The following CEP128 variants were observed in gnomAD, a reference collection of about 807,000 sequenced individuals.
CEP128 encodes the protein centrosomal protein 128.
CEP128 carries 132 observed loss-of-function variants against 156.7 expected under a neutral mutation model. The observed-to-expected ratio is 0.84, with a 90% confidence interval of 0.73 to 0.97. The LOEUF (loss-of-function observed/expected upper bound fraction) is 0.97, where lower values mean the gene tolerates loss of function less well. CEP128 is among the 50% of genes least tolerant of loss of function. The probability of loss-of-function intolerance (pLI) is 0.00; values close to 1 mark genes in which losing one functional copy is unlikely to be tolerated. For missense variants in CEP128, 1,252 were observed against 1,281.9 expected (o/e 0.98, Z 0.36); for synonymous variants, 469 against 448.9 (o/e 1.04, Z -0.57).
intron 19 of CEP128, among the ~76,000 whole-genome samples, chr14:80,661,767 G>A (rs911740101): frequency 5.9e-5 from 9 of 152,056 alleles, no homozygotes; most frequent in African/African-American, 2.2e-4. Flanking sequence ...TTCCTAGAGT[G>A]CTTTATACTT....
At chr14:80,789,213 A>G (rs535467320) in intron 14 of CEP128, among the ~76,000 whole-genome samples, 226 of 152,264 alleles carry the variant, frequency 1.5e-3, no homozygotes, top group African/African-American at 5.2e-3. Context: ...ATGTGACAGG[A>G]AAAAAACTGA....
chr14:80,504,825 A>G (rs1330268171), intron 24 of CEP128, 87 bp downstream of exon 24: 6 of 557,738 alleles, frequency 1.1e-5, no homozygotes, highest in Non-Finnish European at 1.9e-5. Flanking sequence ...GAATATTACT[A>G]TCATATACTG....
chr14:80,568,799 C>T (rs567522692), intron 20 of CEP128, among the ~76,000 whole-genome samples: 21 of 151,812 alleles, frequency 1.4e-4, no homozygotes, highest in South Asian at 1.2e-3. Flanking sequence ...CTAAGAACAA[C>T]GAGGGGAAAA....
intron 19 of CEP128, among the ~76,000 whole-genome samples, chr14:80,606,677 C>A (rs1198853392): frequency 6.6e-6 from 1 of 152,088 alleles, no homozygotes; most frequent in Non-Finnish European, 1.5e-5. Flanking sequence ...ACTGTACTTG[C>A]AGTCTAATCC....
intron 19 of CEP128, among the ~76,000 whole-genome samples, chr14:80,695,025 A>T (rs1468084079): frequency 6.6e-6 from 1 of 152,180 alleles, no homozygotes; most frequent in Admixed American, 6.5e-5. Context: ...TATTAAGGTG[A>T]TCTTATTAGT....
At chr14:80,593,684 AAACG>A (rs1892187143) in intron 19 of CEP128, among the ~76,000 whole-genome samples, 1 of 152,224 alleles carries the variant, frequency 6.6e-6, no homozygotes, top group African/African-American at 2.4e-5. Flanking sequence ...AATAATAGAC[AAACG>A]GAGAGCCAAA....
At chr14:80,492,615 C>T (rs997011285), downstream of CEP128, among the ~76,000 whole-genome samples, 7 of 152,062 alleles carry the variant, frequency 4.6e-5, no homozygotes, top group African/African-American at 7.2e-5. Flanking sequence ...TGTACTGTTT[C>T]GAAGTACAAA....
chr14:80,782,219 A>G (rs1261390653), intron 15 of CEP128, among the ~76,000 whole-genome samples: 1 of 152,166 alleles, frequency 6.6e-6, no homozygotes, highest in Non-Finnish European at 1.5e-5. Context: ...TAAATAGCCA[A>G]GTGTCCATCC....
intron 13 of CEP128, among the ~76,000 whole-genome samples, chr14:80,817,838 G>A (rs980448125): frequency 1.3e-4 from 19 of 150,878 alleles, no homozygotes; most frequent in African/African-American, 2.9e-4. Flanking sequence ...TGGAGATCGC[G>A]CAACTACACT....
chr14:80,891,430 T>A (rs149951200), intron 8 of CEP128, among the ~76,000 whole-genome samples: 6 of 152,008 alleles, frequency 3.9e-5, no homozygotes, highest in African/African-American at 1.2e-4. Context: ...GAGGCCATTA[T>A]GTTAAGTGAA....
At chr14:80,850,518 T>C (rs1566669925) in intron 9 of CEP128, among the ~76,000 whole-genome samples, 3 of 152,180 alleles carry the variant, frequency 2.0e-5, no homozygotes, top group African/African-American at 7.2e-5. Flanking sequence ...AATTAAAAGA[T>C]ATTGCCCTCA....
intron 19 of CEP128, among the ~76,000 whole-genome samples, chr14:80,695,932 A>G (rs138037334): frequency 2.0e-5 from 3 of 152,252 alleles, no homozygotes; most frequent in African/African-American, 4.8e-5. Context: ...ACATCTTCCA[A>G]TTTCTTTATG....
chr14:80,754,743 G>A (rs968078403), intron 18 of CEP128, among the ~76,000 whole-genome samples: 8 of 152,126 alleles, frequency 5.3e-5, no homozygotes, highest in African/African-American at 1.9e-4. Flanking sequence ...AATTACAGGC[G>A]TGAGCCACTG....
At chr14:80,584,027 T>C (rs1595044341) in intron 19 of CEP128, among the ~76,000 whole-genome samples, 1 of 152,184 alleles carries the variant, frequency 6.6e-6, no homozygotes, top group East Asian at 1.9e-4. Context: ...CTCTCATTTG[T>C]ACCTCTCAAT....
chr14:80,558,746 T>C lies in CEP128; in HGVS notation c.2880+533A>G, dbSNP rs372521846. On this transcript the variant is annotated intron_variant, in intron 21 of 24. Transcript: ENST00000555265. ...CCAAAAATAATTTTTCAATGAATAT[T>C]GTATGCATGTAGTCTTGACATCTAT... Among the ~76,000 whole-genome samples the C allele has an allele frequency of 2.8e-3, 419 of 152,336 alleles. 2 individuals are homozygous for C. Among genetic ancestry groups the C allele is most frequent in the African/African-American group, 9.1e-3 (380 of 41,578 alleles).
intron 20 of CEP128, among the ~76,000 whole-genome samples, chr14:80,570,411 C>T (rs897413945): frequency 4.6e-5 from 7 of 152,030 alleles, no homozygotes; most frequent in African/African-American, 1.7e-4. Flanking sequence ...TCATCGTGCC[C>T]GGCCCATATG....
At chr14:80,577,137 CA>C (rs913581617) in intron 20 of CEP128, among the ~76,000 whole-genome samples, 1 of 152,128 alleles carries the variant, frequency 6.6e-6, no homozygotes, top group African/African-American at 2.4e-5. Context: ...GATTCCTTTG[CA>C]AGATTTTCAT....
intron 23 of CEP128, among the ~76,000 whole-genome samples, chr14:80,514,410 A>ATT (rs529317284): frequency 7.0e-4 from 102 of 145,412 alleles, no homozygotes; most frequent in African/African-American, 2.5e-3. Context: ...GTACTTCATT[A>ATT]TTTTTTTTTT....
chr14:80,596,245 C>T (rs1892314198), intron 19 of CEP128, among the ~76,000 whole-genome samples: 1 of 151,664 alleles, frequency 6.6e-6, no homozygotes, highest in East Asian at 1.9e-4. Context: ...AGAAAACTCA[C>T]CTAAAGTGTA....
Sources: gnomAD v4.1 joint callset for allele counts (sites outside exome capture counted in the v4.1 genomes callset) on GRCh38, gnomAD v4.1.1 for gene constraint, MANE v1.5 for transcripts, NCBI Gene and HGNC (gene_info 2026-07-23, HGNC 2026-07-21) for gene names.